SDHAF4: variants seen among roughly 807,000 people sequenced by gnomAD.
SDHAF4 encodes succinate dehydrogenase complex assembly factor 4.
In SDHAF4, 14 loss-of-function variants were observed where a neutral mutation model predicts 14.3. The ratio of observed to expected loss-of-function variants is 0.98; its 90% CI spans 0.65 to 1.53. The LOEUF (loss-of-function observed/expected upper bound fraction) is 1.53, where lower values mean the gene tolerates loss of function less well. SDHAF4 is among the 40% of genes most tolerant of loss of function. The pLI, the probability that SDHAF4 is intolerant of heterozygous loss-of-function variation, is 0.00. For synonymous variants in SDHAF4, 63 were observed against 47.3 expected, an observed-to-expected ratio of 1.33 and a Z score of -1.36; for missense variants, 141 against 129.3, an observed-to-expected ratio of 1.09 and a Z score of -0.44.
At chr6:70,584,629 G>A (rs544083944) in intron 2 of SDHAF4, among the ~76,000 whole-genome samples, 1 of 152,266 alleles carries the variant, frequency 6.6e-6, no homozygotes, top group South Asian at 2.1e-4. Flanking sequence ...TCAGAAAACT[G>A]CAGGCTATTA....
chr6:70,582,391 T>A (rs1765141578), intron 2 of SDHAF4, among the ~76,000 whole-genome samples: 1 of 152,210 alleles, frequency 6.6e-6, no homozygotes, highest in African/African-American at 2.4e-5. Flanking sequence ...ATCACCTATG[T>A]GTTGGTGATT....
intron 1 of SDHAF4, among the ~76,000 whole-genome samples, chr6:70,574,749 G>T (rs1379072289): frequency 2.0e-5 from 3 of 152,092 alleles, no homozygotes; most frequent in Non-Finnish European, 4.4e-5. Flanking sequence ...GGGCAACATA[G>T]TGAGACCCCC....
intron 2 of SDHAF4, among the ~76,000 whole-genome samples, chr6:70,588,241 C>T (rs1765225323): frequency 6.6e-6 from 1 of 152,236 alleles, no homozygotes; most frequent in Non-Finnish European, 1.5e-5. Context: ...TGACCATAGG[C>T]TGGTCTCGGC....
At chr6:70,571,604 C>T (rs185024828) in intron 1 of SDHAF4, among the ~76,000 whole-genome samples, 9 of 152,268 alleles carry the variant, frequency 5.9e-5, no homozygotes, top group South Asian at 4.1e-4. Context: ...TGAGCCACCG[C>T]GCCCAGCCTT....
chr6:70,579,958 ATAT>A (rs1434539190), intron 2 of SDHAF4, among the ~76,000 whole-genome samples: 1 of 152,084 alleles, frequency 6.6e-6, no homozygotes, highest in East Asian at 1.9e-4. Context: ...TAATGTACAC[ATAT>A]TATATATAAA....
chr6:70,575,722 T>TGAGA (rs1802246058), intron 1 of SDHAF4, among the ~76,000 whole-genome samples: 1 of 135,452 alleles, frequency 7.4e-6, no homozygotes, highest in African/African-American at 3.5e-5. Flanking sequence ...TGTGTGTGTG[T>TGAGA]GTGTGAGAGA....
intron 1 of SDHAF4, among the ~76,000 whole-genome samples, chr6:70,577,615 A>G (rs750187377): frequency 6.6e-6 from 1 of 152,176 alleles, no homozygotes; most frequent in Non-Finnish European, 1.5e-5. Flanking sequence ...TTACCTGGGT[A>G]TATGTGTGAT....
chr6:70,594,287 A>G (rs1765283031), downstream of SDHAF4, among the ~76,000 whole-genome samples: 1 of 152,198 alleles, frequency 6.6e-6, no homozygotes, highest in African/African-American at 2.4e-5. Context: ...CCAGAATGCT[A>G]TAGTTTGAAT....
chr6:70,581,181 C>T (rs755286640), intron 2 of SDHAF4, among the ~76,000 whole-genome samples: 53 of 152,116 alleles, frequency 3.5e-4, no homozygotes, highest in African/African-American at 1.2e-3. Context: ...CAACCCCCCT[C>T]GGCCTCCCAA....
At chr6:70,594,873 T>C in the SDHAF4 span, among the ~76,000 whole-genome samples, 4 of 151,162 alleles carry the variant, frequency 2.6e-5, no homozygotes, top group African/African-American at 9.8e-5. Flanking sequence ...GATCACACCA[T>C]TGCACTCCAG....
intron 1 of SDHAF4, among the ~76,000 whole-genome samples, chr6:70,570,858 C>T (rs544037454): frequency 6.6e-6 from 1 of 151,848 alleles, no homozygotes; most frequent in South Asian, 2.1e-4. Context: ...TAGCTATCTC[C>T]CAAATAATTC....
intron 1 of SDHAF4, among the ~76,000 whole-genome samples, chr6:70,576,042 G>C (rs941849462): frequency 6.6e-6 from 1 of 152,182 alleles, no homozygotes; most frequent in African/African-American, 2.4e-5. Flanking sequence ...AACAGGAGTG[G>C]TCCTTGGGCT....
chr6:70,591,767 T>C (rs975062603), downstream of SDHAF4, among the ~76,000 whole-genome samples: 1 of 152,256 alleles, frequency 6.6e-6, no homozygotes, highest in Non-Finnish European at 1.5e-5. Flanking sequence ...TTGTGGAACA[T>C]AAAATTCACA....
chr6:70,597,666 G>T, the SDHAF4 span, among the ~76,000 whole-genome samples: 1 of 152,124 alleles, frequency 6.6e-6, no homozygotes, highest in East Asian at 1.9e-4. Flanking sequence ...TTTGGTACTA[G>T]ATGACTCTTC....
chr6:70,577,689 T>G (rs1802274262), intron 1 of SDHAF4, among the ~76,000 whole-genome samples: 1 of 152,244 alleles, frequency 6.6e-6, no homozygotes, highest in Non-Finnish European at 1.5e-5. Flanking sequence ...TAAAAGTTAG[T>G]TTTTCAACCC....
intron 1 of SDHAF4, chr6:70,567,650 G>A (rs1186889962): frequency 2.0e-5 from 3 of 151,874 alleles, no homozygotes; most frequent in African/African-American, 7.3e-5. Context: ...TAGCAGCCCA[G>A]ACTATGCAAA....
the SDHAF4 span, among the ~76,000 whole-genome samples, chr6:70,595,694 G>A: frequency 6.6e-6 from 1 of 152,074 alleles, no homozygotes; most frequent in African/African-American, 2.4e-5. Flanking sequence ...CAAATAGCTG[G>A]GCGCGGTGGC....
At chr6:70,586,772 T>C (rs1156503600) in intron 2 of SDHAF4, among the ~76,000 whole-genome samples, 1 of 152,162 alleles carries the variant, frequency 6.6e-6, no homozygotes, top group Non-Finnish European at 1.5e-5. Context: ...ATTTTAAAAA[T>C]ATACTAAATT....
chr6:70,595,590 T>C, the SDHAF4 span, among the ~76,000 whole-genome samples: 2 of 152,220 alleles, frequency 1.3e-5, no homozygotes, highest in Non-Finnish European at 2.9e-5. Context: ...ATTCAAAAAA[T>C]AGTATGTTAG....
Sources: gnomAD v4.1 joint callset for allele counts (sites outside exome capture counted in the v4.1 genomes callset) on GRCh38, gnomAD v4.1.1 for gene constraint, MANE v1.5 for transcripts, NCBI Gene and HGNC (gene_info 2026-07-23, HGNC 2026-07-21) for gene names.